Variants in ZNF385B observed in about 807,000 individuals in gnomAD.
ZNF385B encodes zinc finger protein 385B.
In ZNF385B, 23 loss-of-function variants were observed where a neutral mutation model predicts 39.2. The observed-to-expected ratio is 0.59, with a 90% confidence interval of 0.42 to 0.83. ZNF385B has a LOEUF of 0.83. Ranked by LOEUF, ZNF385B falls within the 40% of genes least tolerant of loss-of-function variation. The probability of loss-of-function intolerance (pLI) is 0.00; values close to 1 mark genes in which losing one functional copy is unlikely to be tolerated. For synonymous variants in ZNF385B, 205 were observed against 222.6 expected, an observed-to-expected ratio of 0.92 and a Z score of 0.70; for missense variants, 552 against 598.9, an observed-to-expected ratio of 0.92 and a Z score of 0.82.
At chr2:179,489,913 G>T (rs907577314) in intron 5 of ZNF385B, among the ~76,000 whole-genome samples, 5 of 152,172 alleles carry the variant, frequency 3.3e-5, no homozygotes, top group Non-Finnish European at 5.9e-5. Flanking sequence ...GCTTAAAAAG[G>T]TATAATGTCT....
chr2:179,483,895 G>T (rs1323530301), intron 5 of ZNF385B, among the ~76,000 whole-genome samples: 1 of 152,130 alleles, frequency 6.6e-6, no homozygotes, highest in Non-Finnish European at 1.5e-5. Flanking sequence ...GAGACCAACT[G>T]GTGTGATAAA....
At chr2:179,768,606 G>C (rs1703838279) in intron 3 of ZNF385B, among the ~76,000 whole-genome samples, 1 of 152,176 alleles carries the variant, frequency 6.6e-6, no homozygotes, top group Admixed American at 6.5e-5. Context: ...ACCCTTGCTA[G>C]AGTAGAATTT....
At chr2:179,723,833 T>C (rs1700839610) in intron 3 of ZNF385B, among the ~76,000 whole-genome samples, 1 of 152,172 alleles carries the variant, frequency 6.6e-6, no homozygotes, top group Non-Finnish European at 1.5e-5. Context: ...AAAAATACTC[T>C]ACATTCTTAA....
intron 3 of ZNF385B, among the ~76,000 whole-genome samples, chr2:179,646,157 G>A (rs1692696462): frequency 1.3e-5 from 2 of 152,220 alleles, no homozygotes; most frequent in Admixed American, 6.5e-5. Context: ...GCTCATGCCT[G>A]TAATCCCAGC....
At chr2:179,465,141 T>G (rs1439406743) in intron 6 of ZNF385B, among the ~76,000 whole-genome samples, 1 of 152,166 alleles carries the variant, frequency 6.6e-6, no homozygotes, top group East Asian at 1.9e-4. Flanking sequence ...ATGTCCACAA[T>G]ATTTTTCACC....
At chr2:179,528,371 C>T (rs1248764824) in intron 4 of ZNF385B, among the ~76,000 whole-genome samples, 1 of 152,190 alleles carries the variant, frequency 6.6e-6, no homozygotes, top group African/African-American at 2.4e-5. Flanking sequence ...ATCTGGAGAC[C>T]TTTCTAACAG....
chr2:179,457,505 A>T (rs1237963590), intron 6 of ZNF385B, among the ~76,000 whole-genome samples: 1 of 152,088 alleles, frequency 6.6e-6, no homozygotes, highest in African/African-American at 2.4e-5. Flanking sequence ...AATGTATGAA[A>T]ATTTCAATTG....
intron 3 of ZNF385B, among the ~76,000 whole-genome samples, chr2:179,747,639 T>C (rs1395878736): frequency 6.6e-6 from 1 of 152,112 alleles, no homozygotes; most frequent in African/African-American, 2.4e-5. Context: ...TGAAGCTCCC[T>C]AGTAATAAGA....
At chr2:179,824,331 G>A (rs1707564400) in intron 1 of ZNF385B, among the ~76,000 whole-genome samples, 1 of 152,138 alleles carries the variant, frequency 6.6e-6, no homozygotes, top group Admixed American at 6.6e-5. Flanking sequence ...CAGAAAATTT[G>A]GGGCACTGTA....
chr2:179,534,405 T>G (rs996893845), intron 4 of ZNF385B, among the ~76,000 whole-genome samples: 10 of 152,200 alleles, frequency 6.6e-5, no homozygotes, highest in Admixed American at 6.5e-4. Context: ...TCATTTGATA[T>G]TTATAGGTAT....
chr2:179,789,893 A>C (rs1267672489), intron 1 of ZNF385B, among the ~76,000 whole-genome samples: 5 of 152,192 alleles, frequency 3.3e-5, no homozygotes, highest in African/African-American at 1.2e-4. Flanking sequence ...CCTCTCATGA[A>C]CCAGTAATGA....
At chr2:179,686,197 C>A (rs985000785) in intron 3 of ZNF385B, among the ~76,000 whole-genome samples, 9 of 152,132 alleles carry the variant, frequency 5.9e-5, no homozygotes, top group Admixed American at 5.9e-4. Context: ...GTTGCTGTGT[C>A]CCCTTTAACA....
intron 5 of ZNF385B, among the ~76,000 whole-genome samples, chr2:179,499,828 T>A (rs764141185): frequency 6.6e-6 from 1 of 151,990 alleles, no homozygotes; most frequent in Non-Finnish European, 1.5e-5. Context: ...GACCTCCAAA[T>A]TGGAAAGAAA....
chr2:179,443,526 C>T (rs931482831), intron 9 of ZNF385B, 58 bp from the exon 10 acceptor site: 12 of 1,308,598 alleles, frequency 9.2e-6, no homozygotes, highest in African/African-American at 1.5e-5. Flanking sequence ...ATAACAGCAC[C>T]ACAGGCATCT....
intron 8 of ZNF385B, 116 bp from the exon 9 acceptor site, chr2:179,445,093 T>G (rs905032152): frequency 2.4e-6 from 2 of 849,588 alleles, no homozygotes; most frequent in Admixed American, 1.9e-5. Context: ...TCCACGATGG[T>G]GTGGGTAAAA....
intron 4 of ZNF385B, among the ~76,000 whole-genome samples, chr2:179,519,855 A>T (rs2058358260): frequency 6.6e-6 from 1 of 152,222 alleles, no homozygotes; most frequent in Admixed American, 6.5e-5. Context: ...TCTGATCATG[A>T]TTATAAATCG....
At chr2:179,729,378 T>C (rs1701234813) in intron 3 of ZNF385B, among the ~76,000 whole-genome samples, 1 of 152,122 alleles carries the variant, frequency 6.6e-6, no homozygotes, top group African/African-American at 2.4e-5. Flanking sequence ...AACAGAATCT[T>C]ATGAGTGCAA....
chr2:179,774,316 G>C (rs1033283868), intron 1 of ZNF385B, among the ~76,000 whole-genome samples: 1 of 151,864 alleles, frequency 6.6e-6, no homozygotes, highest in African/African-American at 2.4e-5. Context: ...GGGTGTATAC[G>C]TGTGTAGCAC....
chr2:179,718,975 T>C (rs1700509110), intron 3 of ZNF385B, among the ~76,000 whole-genome samples: 1 of 151,936 alleles, frequency 6.6e-6, no homozygotes, highest in African/African-American at 2.4e-5. Flanking sequence ...TGTGTGTATA[T>C]ATATTTTTTT....
Sources: allele counts gnomAD v4.1 joint callset (sites outside exome capture counted in the v4.1 genomes callset), GRCh38; gene constraint gnomAD v4.1.1; transcripts MANE v1.5; gene names NCBI Gene and HGNC (gene_info 2026-07-23, HGNC 2026-07-21).